The following ADAM10 variants were observed in gnomAD, a reference collection of about 807,000 sequenced individuals.
The protein encoded by ADAM10 is disintegrin and metalloproteinase domain-containing protein 10.
Under a neutral mutation model 90.1 loss-of-function variants are expected in ADAM10, and 17 were observed. The observed-to-expected ratio is 0.19, with a 90% CI of 0.13 to 0.28. The LOEUF (loss-of-function observed/expected upper bound fraction) is 0.28, where lower values mean the gene tolerates loss of function less well. Ranked by LOEUF, ADAM10 falls within the 10% of genes least tolerant of loss-of-function variation. ADAM10 has a pLI of 1.00. For synonymous variants in ADAM10, 310 were observed against 298.6 expected (o/e 1.04, Z -0.40); for missense variants, 610 against 914.3 (o/e 0.67, Z 4.29).
chr15:58,615,439 T>C (rs1264110501), intron 11 of ADAM10, among the ~76,000 whole-genome samples: 1 of 152,144 alleles, frequency 6.6e-6, no homozygotes, highest in African/African-American at 2.4e-5. Flanking sequence ...CCTCTGTAGC[T>C]TTTAAATTAC....
rs532229809 is a variant in ADAM10 at position 58,673,042 on chromosome 15, T to C, written c.484+6082A>G. 1.3e-4 allele frequency: 24 copies of C among 189,902 alleles called. No homozygotes were observed. The East Asian group carries it at 2.2e-3, about 17-fold the overall frequency. 11.8% of individuals were successfully genotyped at this position (189,902 alleles called of 1,614,324 possible). ...TAAAGGTAAGGCTTTGTTTTTAAAC[T>C]GTACAGTTAACACACTAACAGTTAA... On this transcript the variant is annotated intron_variant, in intron 4 of 15. Transcript: ENST00000260408.
rs1231208242 is a variant in ADAM10 at position 58,590,851 on chromosome 15, A to AAT, written c.*6695_*6696insAT. The AAT allele has an allele frequency of 7.2e-6, 1 of 139,386 alleles. No homozygotes were observed. The highest frequency in any genetic ancestry group is 1.9e-4 in the East Asian group (1 of 5,198). The allele number at this position is 139,386 out of a possible 1,614,324, so 8.6% of individuals were successfully genotyped here. On this transcript the variant is annotated 3_prime_UTR_variant, in exon 16 of 16. Transcript: ENST00000260408. Reference sequence around the variant, plus strand: ...AATGATTTTTCTAAAATTCATGCAAATGGAACCACTTTTTATATAAGACAA... The same window carrying AAT: ...AATGATTTTTCTAAAATTCATGCAAAATTGGAACCACTTTTTATATAAGACAA...
intron 8 of ADAM10, among the ~76,000 whole-genome samples, chr15:58,637,204 A>G (rs1188672769): frequency 1.3e-5 from 2 of 152,258 alleles, no homozygotes; most frequent in African/African-American, 4.8e-5. Flanking sequence ...TAAAGAAAAC[A>G]GAAGAGACTA....
chr15:58,597,402 T>G lies in ADAM10; in HGVS notation c.*145A>C. Reference sequence around the variant, plus strand: ...GCTTTAAAATTTAAGTAATTCCACCTGGTCTGAGGATATGATCTCTTGCCA... The same window carrying G: ...GCTTTAAAATTTAAGTAATTCCACCGGGTCTGAGGATATGATCTCTTGCCA... On this transcript the variant is annotated 3_prime_UTR_variant, in exon 16 of 16. Transcript: ENST00000260408. The G allele has an allele frequency of 6.4e-7, 1 of 1,553,142 alleles. No individual in the cohort carries two copies. Among genetic ancestry groups the G allele is most frequent in the Non-Finnish European group, 8.7e-7 (1 of 1,147,682 alleles).
At chr15:58,642,984 A>G (rs1366590667) in intron 7 of ADAM10, among the ~76,000 whole-genome samples, 1 of 152,204 alleles carries the variant, frequency 6.6e-6, no homozygotes, top group Non-Finnish European at 1.5e-5. Flanking sequence ...TAGTATAGAC[A>G]TTTTATCCAA....
chr15:58,667,579 C>T (rs1236913324), intron 4 of ADAM10, among the ~76,000 whole-genome samples: 2 of 151,998 alleles, frequency 1.3e-5, no homozygotes, highest in Non-Finnish European at 2.9e-5. Flanking sequence ...TAAAAATCTG[C>T]ATTAATTGAA....
intron 1 of ADAM10, among the ~76,000 whole-genome samples, chr15:58,739,002 T>C (rs754940190): frequency 6.6e-6 from 1 of 152,242 alleles, no homozygotes; most frequent in Non-Finnish European, 1.5e-5. Flanking sequence ...CCCATTGTCA[T>C]TAACTCACCC....
chr15:58,679,433 T>TA, intron 3 of ADAM10, 151 bp from the exon 4 acceptor site: 3 of 744,334 alleles, frequency 4.0e-6, no homozygotes, highest in Non-Finnish European at 6.6e-6. Flanking sequence ...AAATTTACTA[T>TA]GGAAATTTTC....
At chr15:58,672,863 T>G (rs909165738) in intron 4 of ADAM10, 2 of 99,564 alleles carry the variant, frequency 2.0e-5, no homozygotes, top group African/African-American at 8.1e-5. Flanking sequence ...AAGTTGAAAA[T>G]AAGAAGGAAA....
At chr15:58,696,560 G>A (rs1897986384) in intron 2 of ADAM10, among the ~76,000 whole-genome samples, 1 of 150,996 alleles carries the variant, frequency 6.6e-6, no homozygotes, top group Non-Finnish European at 1.5e-5. Flanking sequence ...CCGCCTCCCA[G>A]GTTCAAGTGA....
Position 58,636,636 on chromosome 15 carries a change from G to A in ADAM10, c.1013-3277C>T, listed in dbSNP as rs140732390. 7.9e-5 allele frequency among the ~76,000 whole-genome samples: 12 copies of A among 152,200 alleles called. No individual in the cohort carries two copies. In the East Asian group the frequency reaches 2.3e-3, roughly 29 times the overall value. ...GAAGGATTCAATAAGCAACAAAGAA[G>A]TATAATGACAATTTTCTATCTACAG... is the stretch of plus-strand genomic sequence containing the variant. On this transcript the variant is annotated intron_variant, in intron 8 of 15. Coordinates refer to ENST00000260408, the MANE Select transcript of ADAM10 (RefSeq NM_001110.4).
intron 11 of ADAM10, among the ~76,000 whole-genome samples, chr15:58,615,276 G>GAAAAAA (rs35628107): frequency 4.7e-5 from 4 of 84,786 alleles, no homozygotes; most frequent in Non-Finnish European, 7.1e-5. Flanking sequence ...TCCGTCTGAA[G>GAAAAAA]AAAAAAAAAA....
intron 2 of ADAM10, among the ~76,000 whole-genome samples, chr15:58,696,431 A>G (rs1018479529): frequency 3.9e-5 from 6 of 151,954 alleles, no homozygotes; most frequent in African/African-American, 1.4e-4. Flanking sequence ...TAGGCCCCTT[A>G]CAGCCTTGAT....
chr15:58,717,554 C>T (rs1213445623), intron 2 of ADAM10, 23 bp downstream of exon 2: 26 of 1,613,618 alleles, frequency 1.6e-5, no homozygotes, highest in Non-Finnish European at 2.2e-5. Context: ...ACTTCAGACA[C>T]AGTCAGCAAT....
At chr15:58,653,419 A>C (rs1339003924) in intron 5 of ADAM10, among the ~76,000 whole-genome samples, 5 of 152,188 alleles carry the variant, frequency 3.3e-5, no homozygotes, top group African/African-American at 1.2e-4. Context: ...GAGCATTTTT[A>C]TCAGGAAAGG....
chr15:58,662,091 T>C (rs1896981892), intron 5 of ADAM10, among the ~76,000 whole-genome samples: 1 of 152,224 alleles, frequency 6.6e-6, no homozygotes, highest in Non-Finnish European at 1.5e-5. Flanking sequence ...CGTTTTTCAG[T>C]TTCTTGTCAT....
At position 58,592,017 on chromosome 15, in the gene ADAM10, T is replaced by C. The variant is rs1894834052; in HGVS notation, c.*5530A>G. The C allele has an allele frequency of 6.6e-6, 1 of 152,278 alleles. No homozygotes were observed. Among genetic ancestry groups the C allele is most frequent in the Non-Finnish European group, 1.5e-5 (1 of 68,084 alleles). 9.4% of individuals were successfully genotyped at this position (152,278 alleles called of 1,614,324 possible). A position where few individuals can be genotyped will look rare whatever the true frequency, so the allele number is the denominator to read the frequency against. On this transcript the variant is annotated 3_prime_UTR_variant, in exon 16 of 16. Transcript: ENST00000260408. ...TGTTGTTGAAGCAGGACCATATGTC[T>C]TGTAGTTTTCCAGAGTCTGGATTTT...
rs945160691 is a variant in ADAM10, at chr15:58,749,679, C to G, written c.-145G>C. 1 of 1,453,946 alleles carries G rather than the reference C, an allele frequency of 6.9e-7. No homozygotes were observed. Among genetic ancestry groups the G allele is most frequent in the Non-Finnish European group, 9.2e-7 (1 of 1,090,978 alleles). 90.1% of individuals were successfully genotyped at this position (1,453,946 alleles called of 1,614,324 possible). A position where few individuals can be genotyped will look rare whatever the true frequency, so the allele number is the denominator to read the frequency against. ...GGCAGGAGAAACGGCGAAGCACCTC[C>G]CTCTCGCTCCACTTCAGGGGCCGGC... On this transcript the variant is annotated 5_prime_UTR_variant, in exon 1 of 16. Transcript: ENST00000260408.
At chr15:58,741,809 CA>C (rs1444145484) in intron 1 of ADAM10, among the ~76,000 whole-genome samples, 5 of 152,210 alleles carry the variant, frequency 3.3e-5, no homozygotes, top group Non-Finnish European at 7.3e-5. Flanking sequence ...AACTCCTCAA[CA>C]GGGACTCCAC....
Sources: allele counts gnomAD v4.1 joint callset (sites outside exome capture counted in the v4.1 genomes callset), GRCh38; gene constraint gnomAD v4.1.1; transcripts MANE v1.5; gene names NCBI Gene and HGNC (gene_info 2026-07-23, HGNC 2026-07-21).